Variants in NYX observed in about 807,000 individuals in gnomAD.
NYX encodes leucine-rich repeat protein.
For synonymous variants in NYX, 258 were observed against 245.7 expected (o/e 1.05, Z -0.47); for missense variants, 481 against 485.4 (o/e 0.99, Z 0.09).
chrX:41,469,108 C>T (rs1305989237), intron 2 of NYX, among the ~76,000 whole-genome samples: 1 of 111,669 alleles, frequency 9.0e-6, no homozygotes, highest in African/African-American at 3.2e-5. Context: ...TCTGAGAGGG[C>T]TGGATCCACT....
At chrX:41,450,648 ATTTT>A (rs143136288) in intron 2 of NYX, among the ~76,000 whole-genome samples, 2 of 85,604 alleles carry the variant, frequency 2.3e-5, no homozygotes, top group Non-Finnish European at 2.3e-5. Context: ...GAATGGCTAC[ATTTT>A]TTTTTTTTTT....
chrX:41,468,539 C>A (rs993482071), intron 2 of NYX, among the ~76,000 whole-genome samples: 2 of 111,946 alleles, frequency 1.8e-5, no homozygotes, highest in Non-Finnish European at 3.8e-5. Flanking sequence ...GATCTGCACG[C>A]CTTGGCCTCC....
Position 41,447,418 on chromosome X carries a change from C to A in NYX, c.-155C>A. 1 of 123,182 alleles carries A rather than the reference C, an allele frequency of 8.1e-6. No individual in the cohort carries two copies. Among genetic ancestry groups the A allele is most frequent in the Non-Finnish European group, 1.6e-5 (1 of 61,225 alleles). 10.2% of individuals were successfully genotyped at this position (123,182 alleles called of 1,213,427 possible). A position where few individuals can be genotyped will look rare whatever the true frequency, so the allele number is the denominator to read the frequency against. On this transcript the variant is annotated 5_prime_UTR_variant, in exon 1 of 3. Coordinates refer to ENST00000378220, the MANE Select transcript of NYX (RefSeq NM_001378477.3). ...CCCCCACCTTTACTTCTCTCTCAAA[C>A]CATTTTCAGCATCTGTGGCTGCCTG...
At chrX:41,467,804 C>T (rs1182156043) in intron 2 of NYX, among the ~76,000 whole-genome samples, 1 of 110,316 alleles carries the variant, frequency 9.1e-6, no homozygotes, top group African/African-American at 3.3e-5. Flanking sequence ...ACTACAGGTG[C>T]ACACCACTGT....
chrX:41,473,367 G>A, intron 2 of NYX, 124 bp from the exon 3 acceptor site: 1 of 788,324 alleles, frequency 1.3e-6, no homozygotes, highest in South Asian at 6.5e-5. Context: ...AGATAACTCG[G>A]TGGAGGGCCT....
At chrX:41,450,685 G>A (rs893497348) in intron 2 of NYX, among the ~76,000 whole-genome samples, 2 of 100,519 alleles carry the variant, frequency 2.0e-5, no homozygotes, top group African/African-American at 3.7e-5. Flanking sequence ...TCACTCTGTC[G>A]ACCAGGCTGA....
At chrX:41,456,254 T>G (rs761394157) in intron 2 of NYX, among the ~76,000 whole-genome samples, 1 of 111,571 alleles carries the variant, frequency 9.0e-6, no homozygotes, top group Admixed American at 9.6e-5. Context: ...GAGAATCGCT[T>G]GAACCCGGGA....
Position 41,473,514 on chromosome X carries a change from G to T in NYX, c.46G>T (p.Ala16Ser). 1 of 991,344 alleles carries T rather than the reference G, an allele frequency of 1.0e-6. No homozygotes were observed. The allele number at this position is 991,344 out of a possible 1,213,427, so 81.7% of individuals were successfully genotyped here. Residue 16 changes from alanine to serine, a missense_variant, in exon 3 of 3, where the codon GCC becomes TCC. By Grantham distance (99) the Ala-to-Ser change is moderately conservative. Transcript: ENST00000378220. Reference protein sequence around the residue: ...LHAVVLGLPSAWAVGACARAC... With the variant: ...LHAVVLGLPSSWAVGACARAC... ...AGCGGTGGTCCTCGGCCTGCCCAGC[G>T]CCTGGGCCGTGGGGGCCTGCGCCCG...
Position 41,469,653 on chromosome X carries a change from TCTC to T in NYX, c.23-3835_23-3833del, listed in dbSNP as rs761454026. Among the ~76,000 whole-genome samples the T allele has an allele frequency of 1.6e-4, 17 of 109,080 alleles. 1 individual carries two copies. The East Asian group carries it at 4.6e-3, about 30-fold the overall frequency. The allele number at this position is 109,080 out of a possible 115,157, so 94.7% of individuals were successfully genotyped here. ...CCTTTGCCTCCTGGGTTCAAGCAAT[TCTC>T]CTGCTTCAGCCTCCCGAGTAGCTGG... On this transcript the variant is annotated intron_variant, in intron 2 of 2. Transcript: ENST00000378220.
intron 2 of NYX, among the ~76,000 whole-genome samples, chrX:41,462,993 GT>G (rs2064325478): frequency 9.5e-6 from 1 of 105,384 alleles, no homozygotes; most frequent in Admixed American, 1.1e-4. Context: ...TAATTTTATG[GT>G]TATTGCTTTT....
Position 41,473,545 on chromosome X carries a change from G to T in NYX, c.77G>T (p.Cys26Phe). The T allele has an allele frequency of 9.9e-7, 1 of 1,011,726 alleles. No homozygotes were observed. 83.4% of individuals were successfully genotyped at this position (1,011,726 alleles called of 1,213,427 possible). A position where few individuals can be genotyped will look rare whatever the true frequency, so the allele number is the denominator to read the frequency against. Residue 26 changes from cysteine to phenylalanine, a missense_variant, in exon 3 of 3, where the codon TGT becomes TTT. Cys to Phe is a radical substitution (Grantham distance 205, BLOSUM62 -2). Coordinates refer to ENST00000378220, the MANE Select transcript of NYX (RefSeq NM_001378477.3). ...AWAVGACARACPAACACSTVE... is the reference protein window; with the variant it reads ...AWAVGACARAFPAACACSTVE... Reference sequence around the variant, plus strand: ...GCCGTGGGGGCCTGCGCCCGCGCTTGTCCCGCCGCCTGCGCCTGCAGCACC... The same window carrying T: ...GCCGTGGGGGCCTGCGCCCGCGCTTTTCCCGCCGCCTGCGCCTGCAGCACC...
At chrX:41,466,152 G>A (rs944143814) in intron 2 of NYX, among the ~76,000 whole-genome samples, 8 of 111,877 alleles carry the variant, frequency 7.2e-5, no homozygotes, top group Non-Finnish European at 1.5e-4. Flanking sequence ...TGAGAGAGCC[G>A]GGCCCAGAGG....
At chrX:41,469,643 T>G (rs776505733) in intron 2 of NYX, among the ~76,000 whole-genome samples, 73 of 106,110 alleles carry the variant, frequency 6.9e-4, no homozygotes, top group African/African-American at 2.5e-3. Context: ...GCCTCCTGGG[T>G]TCAAGCAATT....
At chrX:41,468,537 C>T (rs867651563) in intron 2 of NYX, among the ~76,000 whole-genome samples, 1 of 111,750 alleles carries the variant, frequency 8.9e-6, no homozygotes, top group Non-Finnish European at 1.9e-5. Flanking sequence ...GTGATCTGCA[C>T]GCCTTGGCCT....
Position 41,473,500 on chromosome X carries a change from T to C in NYX, c.32T>C (p.Leu11Pro). 1.0e-6 allele frequency: 1 copy of C among 980,856 alleles called. No individual in the cohort carries two copies. 80.8% of individuals were successfully genotyped at this position (980,856 alleles called of 1,213,427 possible). The change falls in exon 3 of 3, where the codon CTC becomes CCC. Residue 11 changes from leucine (L) to proline (P), a missense_variant. By Grantham distance (98) the Leu-to-Pro change is moderately conservative (BLOSUM62 -3). Transcript: ENST00000378220. Reference protein sequence around the residue: MLVLLLHAVVLGLPSAWAVGA... With the variant: MLVLLLHAVVPGLPSAWAVGA... ...CACCCTGTCCCCGCAGCGGTGGTCCTCGGCCTGCCCAGCGCCTGGGCCGTG... is the reference window on the plus strand; with the variant it reads ...CACCCTGTCCCCGCAGCGGTGGTCCCCGGCCTGCCCAGCGCCTGGGCCGTG...
intron 2 of NYX, among the ~76,000 whole-genome samples, chrX:41,457,497 T>G (rs2064303112): frequency 9.1e-6 from 1 of 109,619 alleles, no homozygotes; most frequent in African/African-American, 3.3e-5. Flanking sequence ...AGCCACCGAG[T>G]CTACGGTAGT....
At chrX:41,460,876 A>ATTC (rs1335308569) in intron 2 of NYX, among the ~76,000 whole-genome samples, 1,739 of 24,772 alleles carry the variant, frequency 0.07, 197 homozygotes, top group South Asian at 0.14. Flanking sequence ...CACAGTATGT[A>ATTC]TTTTTTTTTT....
chrX:41,448,874 A>G (rs977930628), intron 2 of NYX, among the ~76,000 whole-genome samples: 1 of 111,544 alleles, frequency 9.0e-6, no homozygotes, highest in Non-Finnish European at 1.9e-5. Context: ...GTGGTTTCTA[A>G]TCACATTATT....
chrX:41,467,459 T>A (rs1304749816), intron 2 of NYX, among the ~76,000 whole-genome samples: 1 of 110,621 alleles, frequency 9.0e-6, no homozygotes, highest in East Asian at 2.8e-4. Context: ...GTTCAAGCGA[T>A]TCTTGTGCGT....
Sources: gnomAD v4.1 joint callset for allele counts (sites outside exome capture counted in the v4.1 genomes callset) on GRCh38, gnomAD v4.1.1 for gene constraint, MANE v1.5 for transcripts, NCBI Gene and HGNC (gene_info 2026-07-23, HGNC 2026-07-21) for gene names.